Variants in CDH2 observed in about 807,000 individuals in gnomAD.
The protein encoded by CDH2 is cadherin 2, also known as cadherin-2.
Under a neutral mutation model 92.0 loss-of-function variants are expected in CDH2, and 17 were observed. The ratio of observed to expected loss-of-function variants is 0.18; its 90% confidence interval spans 0.13 to 0.28. CDH2 has a LOEUF of 0.28. Ranked by LOEUF, CDH2 falls within the 10% of genes least tolerant of loss-of-function variation. The pLI is 1.00. For missense variants in CDH2, 862 were observed against 1,133.1 expected, an observed-to-expected ratio of 0.76 and a Z score of 3.44; for synonymous variants, 419 against 415.9, an observed-to-expected ratio of 1.01 and a Z score of -0.09.
At chr18:27,983,712 T>C (rs1426508784) in intron 13 of CDH2, among the ~76,000 whole-genome samples, 2 of 152,234 alleles carry the variant, frequency 1.3e-5, no homozygotes, top group Non-Finnish European at 2.9e-5. Context: ...GCGCCAGGTC[T>C]AGAACCATAA....
chr18:27,981,980 C>T (rs1480050906), intron 14 of CDH2, among the ~76,000 whole-genome samples: 1 of 152,140 alleles, frequency 6.6e-6, no homozygotes, highest in African/African-American at 2.4e-5. Flanking sequence ...TCAAGAGAAA[C>T]TGTATCAGAA....
At chr18:28,079,535 C>G (rs1176908847) in intron 2 of CDH2, among the ~76,000 whole-genome samples, 1 of 152,112 alleles carries the variant, frequency 6.6e-6, no homozygotes, top group Non-Finnish European at 1.5e-5. Flanking sequence ...TTCATAATCC[C>G]ACTGAATGAA....
intron 2 of CDH2, among the ~76,000 whole-genome samples, chr18:28,031,671 AGAAG>A (rs1259967900): frequency 6.6e-6 from 1 of 152,124 alleles, no homozygotes; most frequent in African/African-American, 2.4e-5. Flanking sequence ...ACAATGGACG[AGAAG>A]GAAGAGGAAA....
In CDH2 at chr18:28,028,764, C is replaced by T. The variant is rs185779243; in HGVS notation, c.173-14855G>A. Among the ~76,000 whole-genome samples, 1,029 of 152,164 alleles carry T rather than the reference C, an allele frequency of 6.8e-3. 10 individuals are homozygous for T. Among genetic ancestry groups the T allele is most frequent in the African/African-American group, 0.023 (937 of 41,530 alleles). On this transcript the variant is annotated intron_variant, in intron 2 of 15. Transcript: ENST00000269141. ...GAATTTAACAAAAGAAATATCCAAACCCCATTATTTCTAAAGGCTACTTAC... is the reference window on the plus strand; with the variant it reads ...GAATTTAACAAAAGAAATATCCAAATCCCATTATTTCTAAAGGCTACTTAC...
rs538719903 is a variant in CDH2 at position 28,060,986 on chromosome 18, T to C, written c.173-47077A>G. Among the ~76,000 whole-genome samples, 4 of 152,356 alleles carry C rather than the reference T, an allele frequency of 2.6e-5. No individual in the cohort carries two copies. The East Asian group carries it at 7.7e-4, about 29-fold the overall frequency. On this transcript the variant is annotated intron_variant, in intron 2 of 15. Coordinates refer to ENST00000269141, the MANE Select transcript of CDH2 (RefSeq NM_001792.5). ...TAATCATACCAATCTTACACCTCTGTGTTTCTTCCAAAACTAGCACTAACA... is the reference window on the plus strand; with the variant it reads ...TAATCATACCAATCTTACACCTCTGCGTTTCTTCCAAAACTAGCACTAACA...
At chr18:27,958,238 G>T (rs563294498) in intron 15 of CDH2, among the ~76,000 whole-genome samples, 1 of 152,082 alleles carries the variant, frequency 6.6e-6, no homozygotes, top group African/African-American at 2.4e-5. Context: ...ACCATAATGA[G>T]ATATTTTAAA....
At chr18:27,990,656 T>C (rs899949153) in intron 9 of CDH2, among the ~76,000 whole-genome samples, 1 of 152,196 alleles carries the variant, frequency 6.6e-6, no homozygotes, top group Non-Finnish European at 1.5e-5. Flanking sequence ...AAGAATAGCA[T>C]TGTTGACTAA....
intron 6 of CDH2, among the ~76,000 whole-genome samples, chr18:27,935,806 A>G (rs184744027): frequency 2.0e-5 from 3 of 152,236 alleles, no homozygotes; most frequent in Non-Finnish European, 4.4e-5. Context: ...GCTAAAGTAC[A>G]ATGTGAAATA....
At chr18:27,947,777 G>GTATGTGATGTAAA (rs1567930976), downstream of CDH2, among the ~76,000 whole-genome samples, 1 of 2,782 alleles carries the variant, frequency 3.6e-4, no homozygotes, top group African/African-American at 4.2e-4. Flanking sequence ...TGTGATATAA[G>GTATGTGATGTAAA]TATATGTGAT....
chr18:28,067,083 TA>T (rs938524095), intron 2 of CDH2, among the ~76,000 whole-genome samples: 1 of 152,106 alleles, frequency 6.6e-6, no homozygotes, highest in Non-Finnish European at 1.5e-5. Context: ...TAGCAGCTTA[TA>T]AAAAAACCTT....
At chr18:28,166,227 C>A (rs1470566562) in intron 1 of CDH2, among the ~76,000 whole-genome samples, 2 of 140,102 alleles carry the variant, frequency 1.4e-5, no homozygotes, top group African/African-American at 2.7e-5. Flanking sequence ...GAATCACAAT[C>A]TTGACAGTAT....
In CDH2 at chr18:28,033,413, AAC is replaced by A. The variant is rs1426517471; in HGVS notation, c.173-19506_173-19505del. On this transcript the variant is annotated intron_variant, in intron 2 of 15. Transcript: ENST00000269141. The stretch of plus-strand genomic sequence containing the variant: ...CCATTAGTCTGAAGGGAGAAATGTC[AAC>A]AGAGGCACAAACTAAAGATCTAATT... Among the ~76,000 whole-genome samples, 5 of 152,092 alleles carry A rather than the reference AAC, an allele frequency of 3.3e-5. No homozygotes were observed. In the South Asian group the frequency reaches 1.0e-3, roughly 31 times the overall value.
chr18:28,043,696 T>C (rs1215918466), intron 2 of CDH2, among the ~76,000 whole-genome samples: 1 of 150,554 alleles, frequency 6.6e-6, no homozygotes, highest in Non-Finnish European at 1.5e-5. Flanking sequence ...TCATCCTCTT[T>C]GAAAAGTCTC....
At chr18:28,087,585 T>G (rs1312882513) in intron 2 of CDH2, among the ~76,000 whole-genome samples, 1 of 151,882 alleles carries the variant, frequency 6.6e-6, no homozygotes, top group Non-Finnish European at 1.5e-5. Context: ...TACATTGGGT[T>G]AAGAAGAAAA....
chr18:28,051,037 T>C (rs1340654470), intron 2 of CDH2, among the ~76,000 whole-genome samples: 1 of 152,152 alleles, frequency 6.6e-6, no homozygotes, highest in East Asian at 1.9e-4. Context: ...TTTAATTCTC[T>C]CAAACAATTT....
intron 14 of CDH2, among the ~76,000 whole-genome samples, chr18:27,974,751 G>A (rs1457909818): frequency 1.3e-5 from 2 of 152,140 alleles, no homozygotes; most frequent in African/African-American, 4.8e-5. Context: ...TACCAAGGGA[G>A]GTTGTTTGCT....
chr18:27,945,430 T>C (rs552608411), intron 6 of CDH2, among the ~76,000 whole-genome samples: 2 of 151,014 alleles, frequency 1.3e-5, no homozygotes, highest in East Asian at 2.0e-4. Context: ...AAAGTCATCT[T>C]GTATGAGTCA....
At chr18:28,039,385 T>C (rs1340612746) in intron 2 of CDH2, among the ~76,000 whole-genome samples, 1 of 152,104 alleles carries the variant, frequency 6.6e-6, no homozygotes, top group Non-Finnish European at 1.5e-5. Flanking sequence ...CTCTTGGACT[T>C]GGGAGACTGG....
intron 2 of CDH2, among the ~76,000 whole-genome samples, chr18:28,087,112 GTCTC>G (rs1384753245): frequency 6.6e-6 from 1 of 152,150 alleles, no homozygotes; most frequent in Non-Finnish European, 1.5e-5. Flanking sequence ...TCCTTTTCAT[GTCTC>G]TTACTTATAC....
Sources: gnomAD v4.1 joint callset for allele counts (sites outside exome capture counted in the v4.1 genomes callset) on GRCh38, gnomAD v4.1.1 for gene constraint, MANE v1.5 for transcripts, NCBI Gene and HGNC (gene_info 2026-07-23, HGNC 2026-07-21) for gene names.